Variants in THSD7B observed in about 807,000 individuals in gnomAD.
THSD7B encodes thrombospondin type-1 domain-containing protein 7B.
In THSD7B, 138 loss-of-function variants were observed where a neutral mutation model predicts 213.6. The observed-to-expected ratio is 0.65, with a 90% CI of 0.56 to 0.74. The LOEUF is 0.74. THSD7B is among the 30% of genes least tolerant of loss of function. The probability of loss-of-function intolerance (pLI) is 0.00; values close to 1 mark genes in which losing one functional copy is unlikely to be tolerated. For missense variants in THSD7B, 1,931 were observed against 1,991.5 expected (o/e 0.97, Z 0.58); for synonymous variants, 742 against 687.0 (o/e 1.08, Z -1.25).
chr2:137,270,306 C>T (rs1016117597), intron 10 of THSD7B, among the ~76,000 whole-genome samples: 1 of 152,072 alleles, frequency 6.6e-6, no homozygotes, highest in Non-Finnish European at 1.5e-5. Flanking sequence ...GCTACTGATG[C>T]AGCCCATCTC....
chr2:137,488,164 T>C (rs1262674528), intron 15 of THSD7B, among the ~76,000 whole-genome samples: 1 of 152,176 alleles, frequency 6.6e-6, no homozygotes, highest in African/African-American at 2.4e-5. Flanking sequence ...CCAGACTGCA[T>C]TGGAACTAAA....
chr2:137,330,512 G>C (rs1684478082), intron 12 of THSD7B, among the ~76,000 whole-genome samples: 1 of 152,172 alleles, frequency 6.6e-6, no homozygotes. Context: ...CTGATGTTCG[G>C]ATATGCTAGG....
intron 1 of THSD7B, among the ~76,000 whole-genome samples, chr2:136,787,987 T>C (rs1222515557): frequency 6.6e-6 from 1 of 152,174 alleles, no homozygotes; most frequent in Non-Finnish European, 1.5e-5. Flanking sequence ...GACTTTCCTT[T>C]GTTTCTTAAT....
chr2:137,380,953 G>A lies in THSD7B; in HGVS notation c.2501-24660G>A, dbSNP rs570838670. Among the ~76,000 whole-genome samples, 22 of 152,254 alleles carry A rather than the reference G, an allele frequency of 1.4e-4. No homozygotes were observed. The South Asian group carries it at 4.1e-3, about 29-fold the overall frequency. Reference sequence around the variant, plus strand: ...GGCTTGTGCCCATGGCTTGTGCCACGGTGTGTACCCAGGCTCACTCACACC... The same window carrying A: ...GGCTTGTGCCCATGGCTTGTGCCACAGTGTGTACCCAGGCTCACTCACACC... On this transcript the variant is annotated intron_variant, in intron 12 of 27. Coordinates refer to ENST00000409968, the MANE Select transcript of THSD7B (RefSeq NM_001316349.2).
intron 26 of THSD7B, among the ~76,000 whole-genome samples, chr2:137,665,264 A>T (rs1193067612): frequency 6.6e-6 from 1 of 152,166 alleles, no homozygotes; most frequent in African/African-American, 2.4e-5. Context: ...GTCCCAGGGA[A>T]ATGAGTCTTC....
intron 9 of THSD7B, among the ~76,000 whole-genome samples, chr2:137,233,840 TA>T (rs2105057072): frequency 6.6e-6 from 1 of 152,180 alleles, no homozygotes; most frequent in African/African-American, 2.4e-5. Context: ...GGAAGGCTGG[TA>T]AAGAAGAAAA....
intron 2 of THSD7B, among the ~76,000 whole-genome samples, chr2:137,054,628 C>CT (rs1558901402): frequency 6.6e-6 from 1 of 152,104 alleles, no homozygotes; most frequent in Non-Finnish European, 1.5e-5. Context: ...AGTAATTAAA[C>CT]ATCATTTGGG....
At chr2:137,523,734 T>A (rs1680228556) in intron 15 of THSD7B, among the ~76,000 whole-genome samples, 1 of 152,220 alleles carries the variant, frequency 6.6e-6, no homozygotes, top group African/African-American at 2.4e-5. Context: ...GTTACTCCAC[T>A]GTGCTGTTTC....
At chr2:137,321,584 A>G (rs1336442902) in intron 12 of THSD7B, among the ~76,000 whole-genome samples, 1 of 152,190 alleles carries the variant, frequency 6.6e-6, no homozygotes, top group Non-Finnish European at 1.5e-5. Flanking sequence ...TGGCACATCA[A>G]CAGCTGAATC....
At chr2:136,915,816 G>T (rs2105028592) in intron 2 of THSD7B, among the ~76,000 whole-genome samples, 1 of 152,290 alleles carries the variant, frequency 6.6e-6, no homozygotes, top group South Asian at 2.1e-4. Context: ...GTTTTTGGAT[G>T]GTTATAATAA....
intron 1 of THSD7B, among the ~76,000 whole-genome samples, chr2:136,872,909 A>G (rs1402618971): frequency 2.0e-5 from 3 of 148,560 alleles, no homozygotes; most frequent in Non-Finnish European, 4.4e-5. Context: ...TTTTAAAGCT[A>G]TTTACCATAG....
At chr2:136,880,268 C>A (rs929136215) in intron 1 of THSD7B, among the ~76,000 whole-genome samples, 1 of 152,184 alleles carries the variant, frequency 6.6e-6, no homozygotes, top group Admixed American at 6.6e-5. Flanking sequence ...CAAGCTATTT[C>A]TTTTCCTTGG....
chr2:136,868,189 C>A (rs1385972496), intron 1 of THSD7B, among the ~76,000 whole-genome samples: 1 of 151,922 alleles, frequency 6.6e-6, no homozygotes, highest in African/African-American at 2.4e-5. Context: ...TTCCACTGGT[C>A]AAACATGTTC....
rs762458222 is a variant in THSD7B at position 137,170,937 on chromosome 2, C to A, written c.1722C>A (p.Arg574=). ...RILKAVCQND[R]GEDVSGSLCP... ...TGAAGGCCGTCTGCCAGAATGACCGCGGTATGACCCAGTGACCCACTAGAG... is the reference window on the plus strand; with the variant it reads ...TGAAGGCCGTCTGCCAGAATGACCGAGGTATGACCCAGTGACCCACTAGAG... Residue 574 remains arginine (R), a splice_region_variant and synonymous_variant, in exon 7 of 28, where the codon CGC becomes CGA. Transcript: ENST00000409968. The A allele has an allele frequency of 6.2e-7, 1 of 1,611,820 alleles. No homozygotes were observed. The highest frequency in any genetic ancestry group is 8.5e-7 in the Non-Finnish European group (1 of 1,179,608).
At chr2:137,056,309 T>G (rs1687161491) in intron 2 of THSD7B, 111 bp from the exon 3 acceptor site, 2 of 1,123,996 alleles carry the variant, frequency 1.8e-6, no homozygotes, top group Non-Finnish European at 2.5e-6. Flanking sequence ...CCACCAAAAT[T>G]CCTAATTTCA....
At chr2:137,478,109 C>T (rs1688229896) in intron 15 of THSD7B, among the ~76,000 whole-genome samples, 1 of 152,018 alleles carries the variant, frequency 6.6e-6, no homozygotes, top group Non-Finnish European at 1.5e-5. Context: ...CTGTAAGCTT[C>T]CTCTATCTGG....
chr2:136,880,511 A>G (rs1683600451), intron 1 of THSD7B, among the ~76,000 whole-genome samples: 1 of 152,168 alleles, frequency 6.6e-6, no homozygotes, highest in African/African-American at 2.4e-5. Flanking sequence ...GTACATGGAT[A>G]TCTGGTAGCC....
intron 2 of THSD7B, among the ~76,000 whole-genome samples, chr2:136,908,580 G>A (rs184340202): frequency 6.6e-5 from 10 of 152,284 alleles, no homozygotes; most frequent in Admixed American, 2.6e-4. Context: ...TCCCTGGGGA[G>A]CCATATGTCT....
In THSD7B at chr2:137,620,741, A is replaced by AT. The variant is rs1558862399; in HGVS notation, c.3799+16dup. The AT allele has an allele frequency of 6.3e-7, 1 of 1,598,292 alleles. No individual in the cohort carries two copies. Among genetic ancestry groups the AT allele is most frequent in the Non-Finnish European group, 8.6e-7 (1 of 1,166,520 alleles). ...TGGCCATGGAGGTATTGGTTTCCCC[A>AT]TATTTCCCACTAACTAGTGTAGGTT... On this transcript the variant is annotated intron_variant, in intron 20 of 27. Transcript: ENST00000409968.
Sources: gnomAD v4.1 joint callset for allele counts (sites outside exome capture counted in the v4.1 genomes callset) on GRCh38, gnomAD v4.1.1 for gene constraint, MANE v1.5 for transcripts, NCBI Gene and HGNC (gene_info 2026-07-23, HGNC 2026-07-21) for gene names.